LIMS1: variants seen among roughly 807,000 people sequenced by gnomAD.
The protein encoded by LIMS1 is LIM zinc finger domain containing 1, also known as LIM and senescent cell antigen-like-containing domain protein 1.
LIMS1 carries 18 observed loss-of-function variants against 44.1 expected under a neutral mutation model. The observed-to-expected ratio is 0.41, with a 90% CI of 0.28 to 0.61. LIMS1 has a LOEUF of 0.61. Among genes scored for constraint, LIMS1 ranks in the 20% least tolerant of loss-of-function variants. The pLI is 0.32. For synonymous variants in LIMS1, 93 were observed against 149.1 expected, an observed-to-expected ratio of 0.62 and a Z score of 2.74; for missense variants, 201 against 422.0, an observed-to-expected ratio of 0.48 and a Z score of 4.59.
rs140350582 is a variant in LIMS1, at chr2:108,626,643, A to G, written c.33-32962A>G. ...AGAATCTGTTTCTCATTGAATGAGT[A>G]AAGGAATGAGAAACTAAACTGGCCT... On this transcript the variant is annotated intron_variant, in intron 1 of 9. Coordinates refer to ENST00000544547, the Ensembl canonical transcript of LIMS1. 4.4e-3 allele frequency among the ~76,000 whole-genome samples: 671 copies of G among 152,324 alleles called. 4 individuals carry two copies. The highest frequency in any genetic ancestry group is 0.014 in the South Asian group (68 of 4,820).
chr2:108,638,654 C>T (rs370585072), intron 1 of LIMS1, among the ~76,000 whole-genome samples: 102 of 151,398 alleles, frequency 6.7e-4, no homozygotes, highest in African/African-American at 2.3e-3. Flanking sequence ...GGCTGAGGCA[C>T]GAGAATCACT....
At chr2:108,598,983 T>C (rs1686861172) in intron 1 of LIMS1, among the ~76,000 whole-genome samples, 1 of 152,096 alleles carries the variant, frequency 6.6e-6, no homozygotes, top group South Asian at 2.1e-4. Flanking sequence ...ATTATTTTAT[T>C]GGGGGGGTGA....
intron 3 of LIMS1, among the ~76,000 whole-genome samples, chr2:108,671,698 G>A (rs1692170446): frequency 6.6e-6 from 1 of 152,178 alleles, no homozygotes; most frequent in Admixed American, 6.5e-5. Context: ...GATTTCAGTT[G>A]TCTATGTTGA....
At chr2:108,585,889 A>G (rs1179035979) in intron 1 of LIMS1, among the ~76,000 whole-genome samples, 1 of 152,120 alleles carries the variant, frequency 6.6e-6, no homozygotes, top group Non-Finnish European at 1.5e-5. Context: ...GAGTTGAGAT[A>G]ACTTTTAGAA....
At chr2:108,552,588 G>GTGTGTGTGTGTGTGTGTA (rs1684793776) in intron 1 of LIMS1, among the ~76,000 whole-genome samples, 1 of 97,656 alleles carries the variant, frequency 1.0e-5, no homozygotes, top group African/African-American at 3.8e-5. Flanking sequence ...TATTTTGGGT[G>GTGTGTGTGTGTGTGTGTA]TGTGTGTGTG....
intron 1 of LIMS1, among the ~76,000 whole-genome samples, chr2:108,580,702 G>A (rs112076147): frequency 1.6e-4 from 25 of 152,282 alleles, no homozygotes; most frequent in African/African-American, 4.8e-4. Flanking sequence ...GCTGGACATT[G>A]GGAGGTGTGT....
At chr2:108,539,672 G>A (rs187104466) in intron 1 of LIMS1, among the ~76,000 whole-genome samples, 1 of 152,142 alleles carries the variant, frequency 6.6e-6, no homozygotes, top group Non-Finnish European at 1.5e-5. Context: ...AGGATGAGAG[G>A]GACATTTTTT....
At chr2:108,676,221 A>C (rs1030847420) in intron 6 of LIMS1, among the ~76,000 whole-genome samples, 193 bp downstream of exon 6, 1 of 152,246 alleles carries the variant, frequency 6.6e-6, no homozygotes, top group Non-Finnish European at 1.5e-5. Flanking sequence ...CTTTGCTGAC[A>C]GCTAAGAATA....
chr2:108,649,795 A>C (rs191336871), intron 1 of LIMS1, among the ~76,000 whole-genome samples: 1 of 152,270 alleles, frequency 6.6e-6, no homozygotes, highest in Admixed American at 6.5e-5. Flanking sequence ...AGGGAAGGGA[A>C]CATCACACAC....
At chr2:108,611,977 A>T (rs1388973580) in intron 1 of LIMS1, among the ~76,000 whole-genome samples, 1 of 145,212 alleles carries the variant, frequency 6.9e-6, no homozygotes, top group Non-Finnish European at 1.5e-5. Context: ...CACATATATA[A>T]AATATATATA....
chr2:108,636,744 C>T (rs545105323), intron 1 of LIMS1, among the ~76,000 whole-genome samples: 31 of 152,344 alleles, frequency 2.0e-4, no homozygotes, highest in Admixed American at 1.9e-3. Flanking sequence ...GAGCTTCCTA[C>T]TTAGCCCTGT....
chr2:108,593,181 G>T (rs1383269122), intron 1 of LIMS1, among the ~76,000 whole-genome samples: 1 of 152,114 alleles, frequency 6.6e-6, no homozygotes, highest in African/African-American at 2.4e-5. Flanking sequence ...AATTACTAGA[G>T]TTCAGGGTTT....
At chr2:108,570,514 T>C (rs1685446817) in intron 1 of LIMS1, among the ~76,000 whole-genome samples, 1 of 152,136 alleles carries the variant, frequency 6.6e-6, no homozygotes, top group Admixed American at 6.5e-5. Context: ...ATCCAGAAGT[T>C]GCTGGCAGGT....
intron 9 of LIMS1, 139 bp from the exon 10 acceptor site, chr2:108,683,746 G>T: frequency 2.3e-6 from 1 of 435,998 alleles, no homozygotes; most frequent in East Asian, 3.8e-5. Flanking sequence ...TTAGGATTAT[G>T]GTTTTTTTAC....
chr2:108,565,033 C>A (rs1404411338), intron 1 of LIMS1, among the ~76,000 whole-genome samples: 2 of 124,790 alleles, frequency 1.6e-5, no homozygotes, highest in Non-Finnish European at 3.6e-5. Flanking sequence ...TGGACAAAAT[C>A]TCTGAGCTTT....
chr2:108,684,610 T>C (rs559355777), exon 10 of LIMS1: 2 of 152,168 alleles, frequency 1.3e-5, no homozygotes, highest in Admixed American at 1.3e-4. Flanking sequence ...CTGCTCTCCT[T>C]GTGAATTCTT....
At chr2:108,618,917 CA>C (rs1432807674) in intron 1 of LIMS1, among the ~76,000 whole-genome samples, 1 of 151,290 alleles carries the variant, frequency 6.6e-6, no homozygotes, top group African/African-American at 2.4e-5. Flanking sequence ...TTCATCAGAA[CA>C]TAAGCATTGA....
At chr2:108,678,383 T>C (rs1692719400) in intron 8 of LIMS1, 20 of 338,492 alleles carry the variant, frequency 5.9e-5, no homozygotes, top group Non-Finnish European at 8.7e-5. Flanking sequence ...GAAGAGGCAC[T>C]TTAACCTGCA....
At chr2:108,620,420 A>C (rs1470069385) in intron 1 of LIMS1, among the ~76,000 whole-genome samples, 2 of 152,136 alleles carry the variant, frequency 1.3e-5, no homozygotes, top group Non-Finnish European at 2.9e-5. Context: ...CTGTGTTCCC[A>C]GTGGGACTGA....
Sources: gnomAD v4.1 joint callset for allele counts (sites outside exome capture counted in the v4.1 genomes callset) on GRCh38, gnomAD v4.1.1 for gene constraint, MANE v1.5 for transcripts, NCBI Gene and HGNC (gene_info 2026-07-23, HGNC 2026-07-21) for gene names.